CEP164: variants seen among roughly 807,000 people sequenced by gnomAD.
The protein encoded by CEP164 is centrosomal protein of 164 kDa.
In CEP164, 162 loss-of-function variants were observed where a neutral mutation model predicts 182.7. The ratio of observed to expected loss-of-function variants is 0.89; its 90% CI spans 0.78 to 1.01. CEP164 has a LOEUF of 1.01. Among genes scored for constraint, CEP164 ranks in the 50% least tolerant of loss-of-function variants. The pLI, the probability that CEP164 is intolerant of heterozygous loss-of-function variation, is 0.00. For missense variants in CEP164, 1,735 were observed against 1,790.4 expected (o/e 0.97, Z 0.56); for synonymous variants, 661 against 690.0 (o/e 0.96, Z 0.66).
Position 117,389,938 on chromosome 11 carries a change from CTTT to C in CEP164, c.1935-820_1935-818del, listed in dbSNP as rs34794541. Among the ~76,000 whole-genome samples, 168 of 94,624 alleles carry C rather than the reference CTTT, an allele frequency of 1.8e-3. 1 individual carries two copies. Among genetic ancestry groups the C allele is most frequent in the African/African-American group, 6.4e-3 (153 of 23,822 alleles). The allele number at this position is 94,624 out of a possible 152,430, so 62.1% of individuals were successfully genotyped here. ...CCAAAACCCAGAAGCCAGTAGTTTG[CTTT>C]TTTTTTTTTTTTTTTTTTGGAGATA... On this transcript the variant is annotated intron_variant, in intron 15 of 32. Coordinates refer to ENST00000278935, the MANE Select transcript of CEP164 (RefSeq NM_014956.5).
intron 14 of CEP164, among the ~76,000 whole-genome samples, chr11:117,384,027 ACT>A (rs1443767274): frequency 2.0e-5 from 3 of 152,178 alleles, no homozygotes; most frequent in African/African-American, 4.8e-5. Flanking sequence ...CAAGAGCGAA[ACT>A]CTGTCTCAAA....
chr11:117,321,818 C>T (rs2035253948), intron 1 of CEP164, among the ~76,000 whole-genome samples: 1 of 152,008 alleles, frequency 6.6e-6, no homozygotes, highest in African/African-American at 2.4e-5. Context: ...CCACATCAGC[C>T]TCTGTAGATG....
intron 4 of CEP164, among the ~76,000 whole-genome samples, chr11:117,345,122 A>T (rs1448514561): frequency 6.6e-6 from 1 of 152,000 alleles, no homozygotes; most frequent in Non-Finnish European, 1.5e-5. Context: ...ACATTCATGG[A>T]TTCATTGATA....
chr11:117,338,752 G>C (rs1006744588), intron 3 of CEP164, 84 bp downstream of exon 3: 2 of 1,089,526 alleles, frequency 1.8e-6, no homozygotes, highest in African/African-American at 3.1e-5. Context: ...TATTCTTTCA[G>C]TGCAAAGTAT....
rs1592287915 is a variant in CEP164, at chr11:117,381,946, C to G, written c.1577+78C>G. 3 of 874,652 alleles carry G rather than the reference C, an allele frequency of 3.4e-6. No homozygotes were observed. The East Asian group carries it at 1.8e-4, about 52-fold the overall frequency. The allele number at this position is 874,652 out of a possible 1,614,324, so 54.2% of individuals were successfully genotyped here. On this transcript the variant is annotated intron_variant, in intron 13 of 32. Transcript: ENST00000278935. ...TGTGTAGTGGGTATGTGTGCTAGTG[C>G]TGAGAGAGATGGGGGTGGGGTTGGC...
intron 2 of CEP164, among the ~76,000 whole-genome samples, chr11:117,335,892 T>TA (rs964072079): frequency 9.2e-5 from 14 of 151,474 alleles, no homozygotes; most frequent in South Asian, 4.2e-4. Context: ...TAAGCAGAAG[T>TA]AAAAAAAAAT....
At chr11:117,356,980 C>T (rs1163696754) in intron 5 of CEP164, among the ~76,000 whole-genome samples, 1 of 152,172 alleles carries the variant, frequency 6.6e-6, no homozygotes, top group Admixed American at 6.5e-5. Flanking sequence ...GGAAGTTTTT[C>T]CTATCAGCTG....
chr11:117,343,131 A>G (rs72645461), intron 3 of CEP164, among the ~76,000 whole-genome samples: 25,524 of 152,238 alleles, frequency 0.17, 2,406 homozygotes, highest in East Asian at 0.37. Context: ...TCGGCTTCCC[A>G]AAGTGCTGGG....
At chr11:117,340,812 C>T (rs2037996561) in intron 3 of CEP164, among the ~76,000 whole-genome samples, 1 of 152,200 alleles carries the variant, frequency 6.6e-6, no homozygotes, top group Admixed American at 6.5e-5. Context: ...ACATAAGCCA[C>T]TACGACTGGC....
Position 117,394,223 on chromosome 11 carries a change from C to A in CEP164, c.2617-127C>A. On this transcript the variant is annotated intron_variant, in intron 20 of 32. Transcript: ENST00000278935. The surrounding 1 kb of genome is among the most constrained non-coding windows in gnomAD (Gnocchi z 4.0). ...TTGTAACCCTCCTCTTCTCCAAGAG[C>A]TGGCTTTAGGGAGCCGATGGTGTCC... 1.6e-6 allele frequency: 2 copies of A among 1,269,630 alleles called. No homozygotes were observed. The highest frequency in any genetic ancestry group is 2.2e-6 in the Non-Finnish European group (2 of 920,938). 78.6% of individuals were successfully genotyped at this position (1,269,630 alleles called of 1,614,324 possible).
chr11:117,404,931 C>A (rs1457561253), intron 27 of CEP164, among the ~76,000 whole-genome samples: 1 of 152,184 alleles, frequency 6.6e-6, no homozygotes, highest in Admixed American at 6.5e-5. Flanking sequence ...GTTTGAACTT[C>A]CTGGTGACTT....
At position 117,394,358 on chromosome 11, in the gene CEP164, G is replaced by A. The variant is rs953747200; in HGVS notation, c.2625G>A (p.Lys875=). 1.3e-6 allele frequency: 2 copies of A among 1,599,620 alleles called. No individual in the cohort carries two copies. The highest frequency in any genetic ancestry group is 2.3e-5 in the South Asian group (2 of 88,664). The change falls in exon 21 of 33, where the codon AAG becomes AAA. Residue 875 remains lysine, a synonymous_variant. Coordinates refer to ENST00000278935, the MANE Select transcript of CEP164 (RefSeq NM_014956.5). This position sits in a 1 kb window ranked among gnomAD's most constrained non-coding sequence, Gnocchi z 4.0. Reference sequence around the variant, plus strand: ...GCCCACCCTCCTTGCAGGAGAGGAAGCAGCGGGCTGAGCTTCTGGGGCACC... The same window carrying A: ...GCCCACCCTCCTTGCAGGAGAGGAAACAGCGGGCTGAGCTTCTGGGGCACC... The part of the protein sequence containing the change: ...AREQYEAEER[K]QRAELLGHLT...
At chr11:117,398,902 T>G (rs1227699103) in intron 27 of CEP164, among the ~76,000 whole-genome samples, 2 of 152,252 alleles carry the variant, frequency 1.3e-5, no homozygotes, top group Non-Finnish European at 2.9e-5. Flanking sequence ...CCCATTGTCT[T>G]GGAGATTCTG....
At chr11:117,345,927 T>G (rs528794378) in intron 4 of CEP164, among the ~76,000 whole-genome samples, 2 of 152,224 alleles carry the variant, frequency 1.3e-5, no homozygotes, top group Non-Finnish European at 2.9e-5. Context: ...CCTCAGGTTG[T>G]CCACCTGCCT....
intron 1 of CEP164, among the ~76,000 whole-genome samples, chr11:117,333,495 A>G (rs2134778944): frequency 6.6e-6 from 1 of 152,174 alleles, no homozygotes; most frequent in African/African-American, 2.4e-5. Context: ...TAGTTTTTCA[A>G]AATGTGTATC....
Position 117,395,109 on chromosome 11 carries a change from C to T in CEP164, c.2845-14C>T, listed in dbSNP as rs779099072. 8.1e-6 allele frequency: 13 copies of T among 1,614,012 alleles called. No individual in the cohort carries two copies. The highest frequency in any genetic ancestry group is 1.3e-5 in the African/African-American group (1 of 74,912). On this transcript the variant is annotated splice_polypyrimidine_tract_variant and intron_variant, in intron 22 of 32. Coordinates refer to ENST00000278935, the MANE Select transcript of CEP164 (RefSeq NM_014956.5). ...TCTGCAGTCAGCCAGAAAATCCTGT[C>T]TCTTCCCTGCAAGGAGGAGACCGCC...
intron 27 of CEP164, 26 bp downstream of exon 27, chr11:117,397,339 C>G: frequency 2.5e-6 from 4 of 1,599,888 alleles, no homozygotes. Flanking sequence ...AAGGGCCTGC[C>G]AGCCCTGTGT....
chr11:117,328,939 T>C (rs552210223), intron 1 of CEP164, among the ~76,000 whole-genome samples: 14 of 152,288 alleles, frequency 9.2e-5, no homozygotes, highest in African/African-American at 3.4e-4. Flanking sequence ...TGCCTCTTAA[T>C]TCCCCTAGAA....
rs767441581 is a variant in CEP164 at position 117,373,777 on chromosome 11, G to C, written c.1179G>C (p.Lys393Asn). The C allele has an allele frequency of 6.2e-7, 1 of 1,614,150 alleles. No homozygotes were observed. The highest frequency in any genetic ancestry group is 1.3e-5 in the African/African-American group (1 of 75,044). ...AACTGGAAATTAGTGAACACATGAA[G>C]GAACCACAGCTCTCAGACTCCATAG... is the stretch of plus-strand genomic sequence containing the variant. Reference protein sequence around the residue: ...SQELEISEHMKEPQLSDSIAS... With the variant: ...SQELEISEHMNEPQLSDSIAS... The change falls in exon 10 of 33, where the codon AAG (lysine) becomes AAC (asparagine). Residue 393 changes from lysine to asparagine, a missense_variant. Transcript: ENST00000278935.
Sources: gnomAD v4.1 joint callset for allele counts (sites outside exome capture counted in the v4.1 genomes callset) on GRCh38, gnomAD v4.1.1 for gene constraint, Gnocchi (gnomAD v3.1) non-coding constraint, MANE v1.5 for transcripts, NCBI Gene and HGNC (gene_info 2026-07-23, HGNC 2026-07-21) for gene names.